Variants in DCHS1 observed in about 807,000 individuals in gnomAD.
The protein encoded by DCHS1 is protocadherin-16.
A neutral mutation model predicts 213.9 loss-of-function variants in DCHS1; 78 were observed. The observed-to-expected ratio is 0.36, with a 90% confidence interval of 0.30 to 0.44. The LOEUF is 0.44. Ranked by LOEUF, DCHS1 falls within the 20% of genes least tolerant of loss-of-function variation. DCHS1 has a pLI of 1.00. For missense variants in DCHS1, 3,946 were observed against 4,395.9 expected (o/e 0.90, Z 2.89); for synonymous variants, 1,828 against 1,873.7 (o/e 0.98, Z 0.63).
In DCHS1 at chr11:6,655,601, G is replaced by C; in HGVS notation, c.-159C>G. Reference sequence around the variant, plus strand: ...GGGCTCCCTCGCCCGGTGCTGGGGCGCCGTCCGGCCGCGGTCAGCCCCCCG... The same window carrying C: ...GGGCTCCCTCGCCCGGTGCTGGGGCCCCGTCCGGCCGCGGTCAGCCCCCCG... On this transcript the variant is annotated 5_prime_UTR_variant, in exon 1 of 21. Transcript: ENST00000299441. 3.1e-6 allele frequency: 3 copies of C among 980,064 alleles called. No individual in the cohort carries two copies. Among genetic ancestry groups the C allele is most frequent in the Non-Finnish European group, 3.6e-6 (3 of 827,898 alleles). The allele number at this position is 980,064 out of a possible 1,614,324, so 60.7% of individuals were successfully genotyped here.
At chr11:6,631,254 G>A in intron 8 of DCHS1, 44 bp from the exon 9 acceptor site, 1 of 1,613,520 alleles carries the variant, frequency 6.2e-7, no homozygotes, top group Non-Finnish European at 8.5e-7. Flanking sequence ...GCCCAGAGCT[G>A]GGCAGGCCAT....
chr11:6,655,431 C>T, intron 1 of DCHS1, 132 bp downstream of exon 1: 1 of 557,014 alleles, frequency 1.8e-6, no homozygotes, highest in Non-Finnish European at 2.3e-6. Context: ...TCCCGCAGGC[C>T]CAGGCCCCCC....
In DCHS1 at chr11:6,626,333, G is replaced by A. The variant is rs1304525057; in HGVS notation, c.6412C>T (p.Pro2138Ser). 4 of 1,613,620 alleles carry A rather than the reference G, an allele frequency of 2.5e-6. No homozygotes were observed. In the African/African-American group the frequency reaches 4.0e-5, roughly 16 times the overall value. Residue 2138 changes from proline to serine, a missense_variant, in exon 16 of 21, where the codon CCA becomes TCA. Transcript: ENST00000299441. The surrounding 1 kb of genome is among the most constrained non-coding windows in gnomAD (Gnocchi z 5.2). Reference sequence around the variant, plus strand: ...GCCTGCAGCACCAGTCGCAGCCGTGGACTCACCTCGAAGTCTAGCCCCTCT... The same window carrying A: ...GCCTGCAGCACCAGTCGCAGCCGTGAACTCACCTCGAAGTCTAGCCCCTCT... ...SAEGLDFEVSPRLRLVLQAES... is the reference protein window; with the variant it reads ...SAEGLDFEVSSRLRLVLQAES...
Position 6,641,444 on chromosome 11 carries a change from G to T in DCHS1, c.170C>A (p.Ala57Glu). Residue 57 changes from alanine (A) to glutamate (E), a missense_variant, in exon 2 of 21, where the codon GCG becomes GAG. Coordinates refer to ENST00000299441, the MANE Select transcript of DCHS1 (RefSeq NM_003737.4). The surrounding 1 kb of genome is among the most constrained non-coding windows in gnomAD (Gnocchi z 7.1). Reference protein sequence around the residue: ...LDLQIDEEQPAGTLIGDISAG... With the variant: ...LDLQIDEEQPEGTLIGDISAG... Reference sequence around the variant, plus strand: ...ACTGATGTCGCCAATCAGTGTACCCGCTGGCTGCTCCTCATCAATCTGCAA... The same window carrying T: ...ACTGATGTCGCCAATCAGTGTACCCTCTGGCTGCTCCTCATCAATCTGCAA... The T allele has an allele frequency of 6.2e-7, 1 of 1,606,080 alleles. No homozygotes were observed.
rs1254021016 is a variant in DCHS1, at chr11:6,641,189, G to C, written c.425C>G (p.Ala142Gly). ...CAGGGCAGCCCGAGCCTGTGGGAAG[G>C]CTGGAGCATGGTCGTTGATGTCAGC... is the stretch of plus-strand genomic sequence containing the variant. Reference protein sequence around the residue: ...RVADINDHAPAFPQARAALQV... With the variant: ...RVADINDHAPGFPQARAALQV... Residue 142 changes from alanine (A) to glycine (G), a missense_variant, in exon 2 of 21, where the codon GCC becomes GGC. Ala to Gly is a moderately conservative substitution (Grantham distance 60). Coordinates refer to ENST00000299441, the MANE Select transcript of DCHS1 (RefSeq NM_003737.4). This position sits in a 1 kb window ranked among gnomAD's most constrained non-coding sequence, Gnocchi z 7.1. The C allele has an allele frequency of 6.2e-7, 1 of 1,613,640 alleles. No homozygotes were observed. The highest frequency in any genetic ancestry group is 2.2e-5 in the East Asian group (1 of 44,888).
chr11:6,629,555 A>G lies in DCHS1; in HGVS notation c.5058T>C (p.Tyr1686=), dbSNP rs550674661. 5 of 1,613,750 alleles carry G rather than the reference A, an allele frequency of 3.1e-6. No individual in the cohort carries two copies. Among genetic ancestry groups the G allele is most frequent in the South Asian group, 1.1e-5 (1 of 91,006 alleles). Residue 1686 remains tyrosine, a synonymous_variant, in exon 12 of 21, where the codon TAT becomes TAC. Transcript: ENST00000299441. ...AAAAGCTTTCGCTAGAGACGCCTCC[A>G]TAAGTCACTTGCCCGTTGGCCCCTG... is the stretch of plus-strand genomic sequence containing the variant. The part of the protein sequence containing the change: ...PDVGANGQVT[Y]GGVSSESFSL...
chr11:6,627,288 C>T lies in DCHS1; in HGVS notation c.5751G>A (p.Leu1917=). The change falls in exon 14 of 21, where the codon TTG becomes TTA. Residue 1917 remains leucine (L), a synonymous_variant. Coordinates refer to ENST00000299441, the MANE Select transcript of DCHS1 (RefSeq NM_003737.4). The surrounding 1 kb of genome is among the most constrained non-coding windows in gnomAD (Gnocchi z 5.4). ...SSGELRTAAA[L]DREQCPSYTF... ...TGTAGCTGGGACACTGTTCTCTGTC[C>T]AAGGCTGCAGCTGTGCGCAGTTCTC... The T allele has an allele frequency of 1.2e-6, 2 of 1,612,922 alleles. No individual in the cohort carries two copies. Among genetic ancestry groups the T allele is most frequent in the Non-Finnish European group, 1.7e-6 (2 of 1,179,616 alleles).
rs766811278 is a variant in DCHS1 at position 6,627,230 on chromosome 11, C to T, written c.5809G>A (p.Ala1937Thr). ...GACACTGTGGTGCTTAGGGGCCCAG[C>T]AGCTGCACCATCCACTGCACTCACA... ...FSVSAVDGAA[A>T]GPLSTTVSVT... Residue 1937 changes from alanine to threonine, a missense_variant, in exon 14 of 21, where the codon GCT becomes ACT. Coordinates refer to ENST00000299441, the MANE Select transcript of DCHS1 (RefSeq NM_003737.4). The surrounding 1 kb of genome is among the most constrained non-coding windows in gnomAD (Gnocchi z 5.4). The T allele has an allele frequency of 1.4e-5, 23 of 1,613,080 alleles. No individual in the cohort carries two copies. The South Asian group carries it at 2.4e-4, about 17-fold the overall frequency.
Position 6,625,017 on chromosome 11 carries a change from C to T in DCHS1, c.7147-149G>A, listed in dbSNP as rs1589953342. On this transcript the variant is annotated intron_variant, in intron 19 of 20. Coordinates refer to ENST00000299441, the MANE Select transcript of DCHS1 (RefSeq NM_003737.4). The surrounding 1 kb of genome is among the most constrained non-coding windows in gnomAD (Gnocchi z 5.3). Reference sequence around the variant, plus strand: ...CCTAAGTATTCGAATGGGAAATGCCCACCTTCTCCCCTTTCTGGGTACAGG... The same window carrying T: ...CCTAAGTATTCGAATGGGAAATGCCTACCTTCTCCCCTTTCTGGGTACAGG... 1.4e-6 allele frequency: 2 copies of T among 1,390,778 alleles called. No individual in the cohort carries two copies. The highest frequency in any genetic ancestry group is 2.2e-5 in the Admixed American group (1 of 44,982). The allele number at this position is 1,390,778 out of a possible 1,614,324, so 86.2% of individuals were successfully genotyped here.
intron 1 of DCHS1, among the ~76,000 whole-genome samples, chr11:6,654,593 T>TA (rs1180296088): frequency 6.6e-6 from 1 of 152,006 alleles, no homozygotes; most frequent in Admixed American, 6.5e-5. Flanking sequence ...GTTGGCTTGA[T>TA]AGAGTCTGCT....
Position 6,641,702 on chromosome 11 carries a change from T to A in DCHS1, c.-89A>T. The A allele has an allele frequency of 3.4e-6, 5 of 1,451,926 alleles. No individual in the cohort carries two copies. Among genetic ancestry groups the A allele is most frequent in the Non-Finnish European group, 3.6e-6 (4 of 1,102,000 alleles). 89.9% of individuals were successfully genotyped at this position (1,451,926 alleles called of 1,614,324 possible). On this transcript the variant is annotated 5_prime_UTR_variant, in exon 2 of 21. Coordinates refer to ENST00000299441, the MANE Select transcript of DCHS1 (RefSeq NM_003737.4). The surrounding 1 kb of genome is among the most constrained non-coding windows in gnomAD (Gnocchi z 7.1). ...CCTCAGACTTTGGGTCAGGTCCCAC[T>A]GGGGCCCTGGCTCCAGCTCAGGCTC...
chr11:6,637,310 C>A (rs776442648), intron 2 of DCHS1, among the ~76,000 whole-genome samples: 1 of 152,160 alleles, frequency 6.6e-6, no homozygotes, highest in African/African-American at 2.4e-5. Context: ...CATTCTCAGC[C>A]TCTACCCACT....
rs894721552 is a variant in DCHS1, at chr11:6,626,570, A to T, written c.6346T>A (p.Ser2116Thr). The T allele has an allele frequency of 6.2e-7, 1 of 1,613,856 alleles. No individual in the cohort carries two copies. The highest frequency in any genetic ancestry group is 1.3e-5 in the African/African-American group (1 of 74,902). The change falls in exon 15 of 21, where the codon TCC becomes ACC. Residue 2116 changes from serine (S) to threonine (T), a missense_variant. Coordinates refer to ENST00000299441, the MANE Select transcript of DCHS1 (RefSeq NM_003737.4). The surrounding 1 kb of genome is among the most constrained non-coding windows in gnomAD (Gnocchi z 5.2). ...ILSGNEKGTF[S>T]IQPSTGAITV... Reference sequence around the variant, plus strand: ...TTCTTACCTGTACTAGGCTGGATGGAGAATGTCCCTTTCTCATTCCCACTG... The same window carrying T: ...TTCTTACCTGTACTAGGCTGGATGGTGAATGTCCCTTTCTCATTCCCACTG...
In DCHS1 at chr11:6,622,335, G is replaced by C. The variant is rs776120615; in HGVS notation, c.9341C>G (p.Ala3114Gly). The C allele has an allele frequency of 5.6e-6, 9 of 1,601,608 alleles. No individual in the cohort carries two copies. The highest frequency in any genetic ancestry group is 6.8e-6 in the Non-Finnish European group (8 of 1,174,448). The change falls in exon 21 of 21, where the codon GCC becomes GGC. Residue 3114 changes from alanine to glycine, a missense_variant. Coordinates refer to ENST00000299441, the MANE Select transcript of DCHS1 (RefSeq NM_003737.4). The surrounding 1 kb of genome is among the most constrained non-coding windows in gnomAD (Gnocchi z 5.4). ...GCCCCCCAGGAAGGCTGTGGCAGTG[G>C]CTGGGGGCCCCTCCTCTCTGTAGAG... Reference protein sequence around the residue: ...ATLYREEGPPATATAFLGGCG... With the variant: ...ATLYREEGPPGTATAFLGGCG...
intron 2 of DCHS1, among the ~76,000 whole-genome samples, chr11:6,637,962 G>A (rs529158316): frequency 2.6e-5 from 4 of 152,148 alleles, no homozygotes; most frequent in South Asian, 2.1e-4. Context: ...TTTTTACCCC[G>A]ATTCTCTATG....
intron 1 of DCHS1, among the ~76,000 whole-genome samples, chr11:6,647,082 G>C (rs1049666346): frequency 6.6e-6 from 1 of 152,244 alleles, no homozygotes; most frequent in Non-Finnish European, 1.5e-5. Flanking sequence ...CAACAGGGGT[G>C]AGGAGGGGCG....
chr11:6,639,951 G>A lies in DCHS1; in HGVS notation c.1663C>T (p.Leu555=), dbSNP rs1177765491. ...GTGGCAGAGGAGGCTAGAGGGGGCA[G>A]GCCACCATCTGTGGCCACCACAATC... The part of the protein sequence containing the change: ...QLIVVATDGG[L]PPLASSATVS... The change falls in exon 2 of 21, where the codon CTG becomes TTG. Residue 555 remains leucine (L), a synonymous_variant. Transcript: ENST00000299441. 1 of 1,614,040 alleles carries A rather than the reference G, an allele frequency of 6.2e-7. No homozygotes were observed. Among genetic ancestry groups the A allele is most frequent in the East Asian group, 2.2e-5 (1 of 44,882 alleles).
intron 1 of DCHS1, among the ~76,000 whole-genome samples, chr11:6,655,325 G>T (rs1195956147): frequency 2.0e-5 from 3 of 151,744 alleles, no homozygotes; most frequent in African/African-American, 7.3e-5. Context: ...CACACCCCCG[G>T]CGCACGCTCC....
At chr11:6,639,768 G>A (rs560735232) in intron 2 of DCHS1, 49 bp downstream of exon 2, 14 of 1,479,048 alleles carry the variant, frequency 9.5e-6, no homozygotes, top group African/African-American at 5.6e-5. Flanking sequence ...GTCCCCTGTG[G>A]CTCTCAGATT....
Sources: allele counts gnomAD v4.1 joint callset (sites outside exome capture counted in the v4.1 genomes callset), GRCh38; gene constraint gnomAD v4.1.1; non-coding constraint Gnocchi (gnomAD v3.1); transcripts MANE v1.5; gene names NCBI Gene and HGNC (gene_info 2026-07-23, HGNC 2026-07-21).